PRSS23: variants seen among roughly 807,000 people sequenced by gnomAD.
PRSS23 encodes the protein protease, serine 23.
In PRSS23, 25 loss-of-function variants were observed where a neutral mutation model predicts 34.7. The observed-to-expected ratio is 0.72, with a 90% CI of 0.53 to 1.01. The LOEUF is 1.01. Ranked by LOEUF, PRSS23 falls within the 50% of genes least tolerant of loss-of-function variation. The pLI is 0.00. For synonymous variants in PRSS23, 176 were observed against 186.6 expected, an observed-to-expected ratio of 0.94 and a Z score of 0.46; for missense variants, 445 against 475.6, an observed-to-expected ratio of 0.94 and a Z score of 0.60.
At position 86,853,564 on chromosome 11, in the gene PRSS23, G is replaced by A. The variant is rs374168249; in HGVS notation, c.206+29971G>A. On this transcript the variant is annotated intron_variant, in intron 2 of 2. Coordinates refer to the PRSS23 transcript ENST00000533902. ...GCCACTGCGCTGGCCAGAAGTGCCT[G>A]CATTTTTAAGGCTGAATAGTCTTCC... Among the ~76,000 whole-genome samples the A allele has an allele frequency of 2.0e-5, 3 of 152,196 alleles. No individual in the cohort carries two copies. The South Asian group carries it at 6.2e-4, about 32-fold the overall frequency.
chr11:86,889,481 A>G (rs1042300874), intron 2 of PRSS23, among the ~76,000 whole-genome samples: 5 of 152,220 alleles, frequency 3.3e-5, no homozygotes, highest in Non-Finnish European at 7.3e-5. Context: ...GTGTTGCTGC[A>G]TCTTCCAGAG....
chr11:86,886,618 T>C (rs922973459), intron 2 of PRSS23, among the ~76,000 whole-genome samples: 39 of 152,292 alleles, frequency 2.6e-4, no homozygotes, highest in African/African-American at 9.4e-4. Context: ...AATCCTGTTA[T>C]GAAGATTAAA....
At chr11:86,840,897 G>A (rs904573151) in intron 2 of PRSS23, among the ~76,000 whole-genome samples, 1 of 152,190 alleles carries the variant, frequency 6.6e-6, no homozygotes, top group African/African-American at 2.4e-5. Flanking sequence ...AAGTGAAGAT[G>A]TTCTTTAAAA....
At chr11:86,868,101 G>A (rs1249322850) in intron 2 of PRSS23, among the ~76,000 whole-genome samples, 3 of 152,142 alleles carry the variant, frequency 2.0e-5, no homozygotes, top group Admixed American at 6.5e-5. Context: ...ACATGGGAGC[G>A]AAAGGCTGAG....
intron 1 of PRSS23, among the ~76,000 whole-genome samples, chr11:86,823,078 G>A (rs1203641897): frequency 6.6e-6 from 1 of 152,212 alleles, no homozygotes; most frequent in Non-Finnish European, 1.5e-5. Context: ...TGAAGGTTTG[G>A]GAGGCCCCGT....
chr11:86,851,227 G>T (rs1298941542), intron 2 of PRSS23, among the ~76,000 whole-genome samples: 3 of 152,216 alleles, frequency 2.0e-5, no homozygotes, highest in Admixed American at 6.5e-5. Context: ...TTTTGAAACA[G>T]TTTCCAGCTT....
At chr11:86,817,070 A>C (rs1198510759) in intron 1 of PRSS23, among the ~76,000 whole-genome samples, 1 of 152,164 alleles carries the variant, frequency 6.6e-6, no homozygotes, top group African/African-American at 2.4e-5. Flanking sequence ...ATTTATTTCC[A>C]TTCTATATTT....
At chr11:86,862,444 C>G (rs748987088) in intron 2 of PRSS23, among the ~76,000 whole-genome samples, 1 of 151,552 alleles carries the variant, frequency 6.6e-6, no homozygotes, top group Admixed American at 6.6e-5. Context: ...TGATACTATT[C>G]GTAATACCCT....
intron 2 of PRSS23, among the ~76,000 whole-genome samples, chr11:86,919,381 G>C (rs575048556): frequency 9.8e-5 from 15 of 152,340 alleles, no homozygotes; most frequent in African/African-American, 3.6e-4. Flanking sequence ...CTCTCGTTGT[G>C]GGCACTGGCA....
intron 1 of PRSS23, among the ~76,000 whole-genome samples, chr11:86,794,012 G>A (rs1258367330): frequency 5.3e-5 from 8 of 152,112 alleles, no homozygotes; most frequent in African/African-American, 1.9e-4. Context: ...GAGCTTGAAG[G>A]ATGAATAGAA....
chr11:86,952,750 T>TGCAGA, exon 3 of PRSS23: 1 of 295,252 alleles, frequency 3.4e-6, no homozygotes, highest in Admixed American at 4.7e-5. Context: ...GCATAAGCCC[T>TGCAGA]CTTTGCACAA....
In PRSS23 at chr11:86,947,201, TCAAACAAACAAA is replaced by T. The variant is rs34325935; in HGVS notation, c.207-3991_207-3980del. On this transcript the variant is annotated intron_variant, in intron 2 of 2. Coordinates refer to the PRSS23 transcript ENST00000533902. The stretch of plus-strand genomic sequence containing the variant: ...CTGGGTGACAGAGCAAGACCCTGTC[TCAAACAAACAAA>T]CAAACAAACAAACAAACAAACAACA... 2,556 of 165,462 alleles carry T rather than the reference TCAAACAAACAAA, an allele frequency of 0.015. 30 individuals are homozygous for T. Among genetic ancestry groups the T allele is most frequent in the Admixed American group, 0.022 (368 of 16,784 alleles). The allele number at this position is 165,462 out of a possible 1,614,324, so 10.2% of individuals were successfully genotyped here.
At chr11:86,874,348 A>G (rs1039193748) in intron 2 of PRSS23, among the ~76,000 whole-genome samples, 2 of 152,264 alleles carry the variant, frequency 1.3e-5, no homozygotes, top group African/African-American at 4.8e-5. Flanking sequence ...TTTGAATTTC[A>G]GATAAATGAT....
At chr11:86,818,902 CT>C (rs1056725641) in intron 1 of PRSS23, among the ~76,000 whole-genome samples, 1 of 152,192 alleles carries the variant, frequency 6.6e-6, no homozygotes, top group African/African-American at 2.4e-5. Context: ...AGTTTGTTCT[CT>C]TTTTTTCTTT....
intron 2 of PRSS23, among the ~76,000 whole-genome samples, chr11:86,917,814 GA>G (rs1438095053): frequency 6.6e-6 from 1 of 152,210 alleles, no homozygotes; most frequent in Non-Finnish European, 1.5e-5. Flanking sequence ...AGTAATGTAT[GA>G]AAGTATAATT....
intron 2 of PRSS23, among the ~76,000 whole-genome samples, chr11:86,932,309 A>G (rs10751145): frequency 0.62 from 94,974 of 152,044 alleles, 30,177 homozygotes; most frequent in Non-Finnish European, 0.69. Context: ...TTCAGCTGCT[A>G]GACTGGAGTC....
At chr11:86,801,314 T>A (rs1948035251) in intron 1 of PRSS23, among the ~76,000 whole-genome samples, 1 of 152,138 alleles carries the variant, frequency 6.6e-6, no homozygotes, top group African/African-American at 2.4e-5. Context: ...AATAAAAGTT[T>A]TAAAGTTTTA....
rs942863569 is a variant in PRSS23 at position 86,807,971 on chromosome 11, G to A, written c.328G>A (p.Gly110Arg). 1.2e-6 allele frequency: 2 copies of A among 1,613,978 alleles called. No homozygotes were observed. The highest frequency in any genetic ancestry group is 1.7e-6 in the Non-Finnish European group (2 of 1,180,036). Residue 110 changes from glycine to arginine, a missense_variant, in exon 2 of 2, where the codon GGA (glycine) becomes AGA (arginine). Gly to Arg is a moderately radical substitution (Grantham distance 125, BLOSUM62 -2). Coordinates refer to ENST00000280258, the MANE Select transcript of PRSS23 (RefSeq NM_007173.6). ...QVGIYILSSS[G>R]DGAQHRDSGS... ...GGGCATCTACATCCTCAGCAGTAGT[G>A]GAGATGGGGCCCAACACCGAGACTC...
intron 1 of PRSS23, among the ~76,000 whole-genome samples, chr11:86,801,471 A>G (rs1948037442): frequency 6.6e-6 from 1 of 152,176 alleles, no homozygotes; most frequent in Non-Finnish European, 1.5e-5. Flanking sequence ...CACCAGTAAG[A>G]ATTAAGCAGC....
Sources: gnomAD v4.1 joint callset for allele counts (sites outside exome capture counted in the v4.1 genomes callset) on GRCh38, gnomAD v4.1.1 for gene constraint, MANE v1.5 for transcripts, NCBI Gene and HGNC (gene_info 2026-07-23, HGNC 2026-07-21) for gene names.